Variants in NEDD1 observed in about 807,000 individuals in gnomAD.
NEDD1 encodes protein NEDD1.
In NEDD1, 33 loss-of-function variants were observed where a neutral mutation model predicts 74.0. The ratio of observed to expected loss-of-function variants is 0.45; its 90% confidence interval spans 0.34 to 0.60. The LOEUF (loss-of-function observed/expected upper bound fraction) is 0.60, where lower values mean the gene tolerates loss of function less well. Among genes scored for constraint, NEDD1 ranks in the 20% least tolerant of loss-of-function variants. The probability of loss-of-function intolerance (pLI) is 0.01; values close to 1 mark genes in which losing one functional copy is unlikely to be tolerated. For synonymous variants in NEDD1, 250 were observed against 264.4 expected (o/e 0.95, Z 0.53); for missense variants, 746 against 776.5 (o/e 0.96, Z 0.47).
At position 96,944,723 on chromosome 12, in the gene NEDD1, T is replaced by A. The variant is rs762633302; in HGVS notation, c.1582T>A (p.Phe528Ile). Reference sequence around the variant, plus strand: ...TAACCAAACAAGAAATTCTGAGAAATTTGAAAAGCCAGAGAATGAAATTGA... The same window carrying A: ...TAACCAAACAAGAAATTCTGAGAAAATTGAAAAGCCAGAGAATGAAATTGA... ...SSNQTRNSEK[F>I]EKPENEIEAQ... is the part of the protein sequence containing the mutation. Residue 528 changes from phenylalanine to isoleucine, a missense_variant, in exon 13 of 16, where the codon TTT becomes ATT. By Grantham distance (21) the Phe-to-Ile change is conservative. Transcript: ENST00000266742. 1.3e-6 allele frequency: 2 copies of A among 1,599,866 alleles called. No individual in the cohort carries two copies. Among genetic ancestry groups the A allele is most frequent in the Non-Finnish European group, 1.7e-6 (2 of 1,173,702 alleles).
intron 2 of NEDD1, among the ~76,000 whole-genome samples, chr12:96,908,694 A>G (rs924148207): frequency 6.6e-6 from 1 of 152,162 alleles, no homozygotes; most frequent in Non-Finnish European, 1.5e-5. Flanking sequence ...ATTTGACCAT[A>G]TTGCTAATTT....
intron 7 of NEDD1, among the ~76,000 whole-genome samples, chr12:96,936,408 A>T (rs980824487): frequency 3.3e-5 from 5 of 152,246 alleles, no homozygotes; most frequent in Non-Finnish European, 7.3e-5. Context: ...TGGAATGTTT[A>T]GCAGTTCTCT....
chr12:96,940,750 A>G (rs1877585625), intron 10 of NEDD1, among the ~76,000 whole-genome samples: 1 of 152,086 alleles, frequency 6.6e-6, no homozygotes, highest in East Asian at 1.9e-4. Flanking sequence ...GAATTATGCA[A>G]ATAGCTCTCA....
rs1327793322 is a variant in NEDD1, at chr12:96,943,563, T to G, written c.1298T>G (p.Phe433Cys). 6.2e-7 allele frequency: 1 copy of G among 1,612,156 alleles called. No individual in the cohort carries two copies. The change falls in exon 12 of 16, where the codon TTT (phenylalanine) becomes TGT (cysteine). Residue 433 changes from phenylalanine (F) to cysteine (C), a missense_variant. Transcript: ENST00000266742. The stretch of plus-strand genomic sequence containing the variant: ...ATGCAGTTTTTCCCTTTTCCAGGCT[T>G]TGACTTTCTACCGCAGTTGAACTCA... ...SDESIGKGDG[F>C]DFLPQLNSVF...
At chr12:96,931,311 GATAAAT>G (rs1876440165) in intron 6 of NEDD1, among the ~76,000 whole-genome samples, 2 of 152,078 alleles carry the variant, frequency 1.3e-5, no homozygotes, top group South Asian at 4.1e-4. Flanking sequence ...CAACAAGTTT[GATAAAT>G]ATAAATATAT....
chr12:96,930,418 C>T (rs1876327697), intron 6 of NEDD1, among the ~76,000 whole-genome samples: 1 of 152,080 alleles, frequency 6.6e-6, no homozygotes, highest in Non-Finnish European at 1.5e-5. Flanking sequence ...CATAGGAAAC[C>T]AGATGTTAAC....
rs1874038638 is a variant in NEDD1, at chr12:96,912,669, T to C, written c.137-54T>C. The C allele has an allele frequency of 3.6e-6, 3 of 823,806 alleles. No individual in the cohort carries two copies. The South Asian group carries it at 4.3e-5, about 12-fold the overall frequency. 51.0% of individuals were successfully genotyped at this position (823,806 alleles called of 1,614,324 possible). On this transcript the variant is annotated intron_variant, in intron 3 of 15. Transcript: ENST00000266742. Reference sequence around the variant, plus strand: ...TTTATAATCGCAATTCTTATAATAGTCTAGTGCTATAGATGTTCATGGATT... The same window carrying C: ...TTTATAATCGCAATTCTTATAATAGCCTAGTGCTATAGATGTTCATGGATT...
intron 2 of NEDD1, among the ~76,000 whole-genome samples, chr12:96,909,217 GA>G (rs1247889925): frequency 6.6e-6 from 1 of 151,528 alleles, no homozygotes; most frequent in South Asian, 2.1e-4. Context: ...GAAGTGCTAT[GA>G]AAAAAATGAA....
intron 14 of NEDD1, among the ~76,000 whole-genome samples, chr12:96,947,855 G>A (rs1457457771): frequency 2.0e-5 from 3 of 152,158 alleles, no homozygotes; most frequent in Admixed American, 6.5e-5. Context: ...AGTGCCTCTT[G>A]GTTTTGCTGC....
intron 4 of NEDD1, 60 bp from the exon 5 acceptor site, chr12:96,917,561 C>T: frequency 6.9e-7 from 1 of 1,449,160 alleles, no homozygotes; most frequent in Non-Finnish European, 9.0e-7. Context: ...TGGATGAGAC[C>T]TGAAAGTCAG....
intron 3 of NEDD1, 117 bp downstream of exon 3, chr12:96,910,012 G>T: frequency 1.9e-6 from 2 of 1,054,378 alleles, no homozygotes; most frequent in Non-Finnish European, 2.6e-6. Context: ...GTTTTGCATT[G>T]CTACCAAGGA....
chr12:96,933,868 A>C (rs1876809063), intron 6 of NEDD1, among the ~76,000 whole-genome samples: 1 of 152,242 alleles, frequency 6.6e-6, no homozygotes, highest in African/African-American at 2.4e-5. Context: ...TTTAGTAAAA[A>C]AGAAAAGTAG....
Position 96,921,357 on chromosome 12 carries a change from T to C in NEDD1, c.489+1232T>C, listed in dbSNP as rs146192348. Reference sequence around the variant, plus strand: ...CCATCATGCCCAGCTAATTTTTGTATTTTAGTAGAGATGGGGTTTCACCAT... The same window carrying C: ...CCATCATGCCCAGCTAATTTTTGTACTTTAGTAGAGATGGGGTTTCACCAT... On this transcript the variant is annotated intron_variant, in intron 6 of 15. Coordinates refer to ENST00000266742, the MANE Select transcript of NEDD1 (RefSeq NM_152905.4). Among the ~76,000 whole-genome samples, 1,117 of 152,092 alleles carry C rather than the reference T, an allele frequency of 7.3e-3. 12 individuals are homozygous for C. Among genetic ancestry groups the C allele is most frequent in the African/African-American group, 0.026 (1,074 of 41,510 alleles).
chr12:96,947,279 A>G (rs1156411810), intron 14 of NEDD1, among the ~76,000 whole-genome samples: 3 of 152,174 alleles, frequency 2.0e-5, no homozygotes, highest in South Asian at 2.1e-4. Flanking sequence ...ACAGCTGACT[A>G]TAATACAGTG....
At chr12:96,951,580 A>G in intron 15 of NEDD1, 82 bp downstream of exon 15, 1 of 737,720 alleles carries the variant, frequency 1.4e-6, no homozygotes, top group Non-Finnish European at 2.3e-6. Flanking sequence ...AAGGTAATAT[A>G]TTTTAGTTGT....
intron 3 of NEDD1, among the ~76,000 whole-genome samples, chr12:96,911,338 A>ATTT (rs1873897862): frequency 6.6e-6 from 1 of 152,246 alleles, no homozygotes; most frequent in African/African-American, 2.4e-5. Flanking sequence ...CTAACAACAA[A>ATTT]ACTGATGTAG....
chr12:96,932,742 G>T (rs1876683933), intron 6 of NEDD1, among the ~76,000 whole-genome samples: 1 of 151,462 alleles, frequency 6.6e-6, no homozygotes, highest in South Asian at 2.1e-4. Flanking sequence ...GTTGAATGGT[G>T]GGTACATAAG....
In NEDD1 at chr12:96,945,046, T is replaced by A. The variant is rs201788008; in HGVS notation, c.1654+251T>A. 1.4e-4 allele frequency among the ~76,000 whole-genome samples: 21 copies of A among 151,562 alleles called. 1 individual carries two copies. In the East Asian group the frequency reaches 4.0e-3, roughly 29 times the overall value. ...AGTGTAATATGTGTCTTTAATATGG[T>A]AGAGATAGAATTATTATGTAGGACC... On this transcript the variant is annotated intron_variant, in intron 13 of 15. Transcript: ENST00000266742.
At chr12:96,909,616 A>T in intron 2 of NEDD1, 136 bp from the exon 3 acceptor site, 1 of 656,460 alleles carries the variant, frequency 1.5e-6, no homozygotes, top group Non-Finnish European at 2.6e-6. Flanking sequence ...AATCACTTCA[A>T]CTGCTTTGGT....
Sources: gnomAD v4.1 joint callset for allele counts (sites outside exome capture counted in the v4.1 genomes callset) on GRCh38, gnomAD v4.1.1 for gene constraint, MANE v1.5 for transcripts, NCBI Gene and HGNC (gene_info 2026-07-23, HGNC 2026-07-21) for gene names.